MGAT3: variants seen among roughly 807,000 people sequenced by gnomAD.
The protein encoded by MGAT3 is beta-1,4-mannosyl-glycoprotein 4-beta-N-acetylglucosaminyltransferase.
Under a neutral mutation model 29.8 loss-of-function variants are expected in MGAT3, and 9 were observed. The observed-to-expected ratio is 0.30, with a 90% CI of 0.18 to 0.53. The LOEUF (loss-of-function observed/expected upper bound fraction) is 0.53. Among genes scored for constraint, MGAT3 ranks in the 20% least tolerant of loss-of-function variants. MGAT3 has a pLI of 0.96. For missense variants in MGAT3, 557 were observed against 769.5 expected, an observed-to-expected ratio of 0.72 and a Z score of 3.27; for synonymous variants, 397 against 348.9, an observed-to-expected ratio of 1.14 and a Z score of -1.54.
chr22:39,459,737 G>A (rs1022874635), intron 1 of MGAT3, among the ~76,000 whole-genome samples: 11 of 152,244 alleles, frequency 7.2e-5, no homozygotes, highest in African/African-American at 2.4e-4. Flanking sequence ...CAAAGTGCTC[G>A]GATTCCAGGT....
rs549927269 is a variant in MGAT3, at chr22:39,463,713, A to G, written c.-2+6156A>G. ...GATTCATTGAGTCCAGGAGTCCGAG[A>G]CCAGCCTGGGCAACATAGTGGGACC... On this transcript the variant is annotated intron_variant, in intron 1 of 1. Transcript: ENST00000341184. Among the ~76,000 whole-genome samples the G allele has an allele frequency of 7.2e-5, 11 of 152,070 alleles. No homozygotes were observed. The South Asian group carries it at 2.3e-3, about 32-fold the overall frequency.
In MGAT3 at chr22:39,488,247, C is replaced by T. The variant is rs371709468; in HGVS notation, c.900C>T (p.Gly300=). The stretch of plus-strand genomic sequence containing the variant: ...TGCGCACCTTCCTCACCCAGGACGG[C>T]GTCTCGCGGCTGCGCAACCTGCGGC... ...DYLRTFLTQD[G]VSRLRNLRPD... Residue 300 remains glycine (G), a synonymous_variant, in exon 2 of 2, where the codon GGC becomes GGT. Transcript: ENST00000341184. 3.2e-4 allele frequency: 514 copies of T among 1,611,714 alleles called. No individual in the cohort carries two copies. Among genetic ancestry groups the T allele is most frequent in the Non-Finnish European group, 3.9e-4 (464 of 1,179,866 alleles).
intron 1 of MGAT3, among the ~76,000 whole-genome samples, chr22:39,461,696 GC>G (rs936649361): frequency 6.6e-6 from 1 of 151,906 alleles, no homozygotes; most frequent in Non-Finnish European, 1.5e-5. Context: ...TGTGACACCA[GC>G]CCCACAACCC....
intron 1 of MGAT3, among the ~76,000 whole-genome samples, chr22:39,474,994 G>A (rs1462621029): frequency 1.3e-5 from 2 of 152,078 alleles, no homozygotes; most frequent in Non-Finnish European, 2.9e-5. Flanking sequence ...CCAGCCCAGC[G>A]CCCCTGCCTT....
At chr22:39,479,434 C>T (rs866163322) in intron 1 of MGAT3, among the ~76,000 whole-genome samples, 2 of 152,124 alleles carry the variant, frequency 1.3e-5, no homozygotes, top group East Asian at 1.9e-4. Context: ...CCTCAAGCCC[C>T]CCTTTTCTTG....
chr22:39,489,171 G>A lies in MGAT3; in HGVS notation c.*222G>A, dbSNP rs1200001998. 5.9e-6 allele frequency: 4 copies of A among 682,514 alleles called. No homozygotes were observed. Among genetic ancestry groups the A allele is most frequent in the African/African-American group, 1.8e-5 (1 of 55,128 alleles). 42.3% of individuals were successfully genotyped at this position (682,514 alleles called of 1,614,324 possible). ...GTTGGGAGAGGGCGCAGGCCGTGAC[G>A]TCTGGGTGGCCCTTATGACTGCCAA... On this transcript the variant is annotated 3_prime_UTR_variant, in exon 2 of 2. Coordinates refer to ENST00000341184, the MANE Select transcript of MGAT3 (RefSeq NM_002409.5).
chr22:39,487,033 A>T lies in MGAT3; in HGVS notation c.-1-314A>T, dbSNP rs1929293323. On this transcript the variant is annotated intron_variant, in intron 1 of 1. Coordinates refer to ENST00000341184, the MANE Select transcript of MGAT3 (RefSeq NM_002409.5). The surrounding 1 kb of genome is among the most constrained non-coding windows in gnomAD (Gnocchi z 5.7). ...AAGGCGCATGTTACTCCTGGAGCCAAGCCTAGCAGTGCAGCCGCACAGTCA... is the reference window on the plus strand; with the variant it reads ...AAGGCGCATGTTACTCCTGGAGCCATGCCTAGCAGTGCAGCCGCACAGTCA... Among the ~76,000 whole-genome samples, 1 of 152,128 alleles carries T rather than the reference A, an allele frequency of 6.6e-6. No homozygotes were observed. The highest frequency in any genetic ancestry group is 1.5e-5 in the Non-Finnish European group (1 of 68,016).
Position 39,489,030 on chromosome 22 carries a change from C to T in MGAT3, c.*81C>T, listed in dbSNP as rs1331991183. 1.4e-6 allele frequency: 2 copies of T among 1,463,062 alleles called. No individual in the cohort carries two copies. Among genetic ancestry groups the T allele is most frequent in the Middle Eastern group, 2.5e-4 (1 of 3,982 alleles). 90.6% of individuals were successfully genotyped at this position (1,463,062 alleles called of 1,614,324 possible). On this transcript the variant is annotated 3_prime_UTR_variant, in exon 2 of 2. Coordinates refer to ENST00000341184, the MANE Select transcript of MGAT3 (RefSeq NM_002409.5). ...GCTATCTCCCTGCCTCCTGCCGGCT[C>T]CTTGGTTCTTGAGGGGACCAGGAGT...
intron 1 of MGAT3, among the ~76,000 whole-genome samples, chr22:39,484,355 C>G (rs183574917): frequency 4.6e-5 from 7 of 152,016 alleles, no homozygotes; most frequent in African/African-American, 1.7e-4. Flanking sequence ...TGATTAGGAG[C>G]CTTGTTTTTT....
Position 39,488,390 on chromosome 22 carries a change from T to C in MGAT3, c.1043T>C (p.Leu348Pro). 6.2e-7 allele frequency: 1 copy of C among 1,612,912 alleles called. No homozygotes were observed. Among genetic ancestry groups the C allele is most frequent in the Non-Finnish European group, 8.5e-7 (1 of 1,180,030 alleles). The change falls in exon 2 of 2, where the codon CTC (leucine) becomes CCC (proline). Residue 348 changes from leucine (L) to proline (P), a missense_variant. Leu to Pro is a moderately conservative substitution (Grantham distance 98). This residue lies in a region of MGAT3 where 243 missense variants were observed against 444.0 expected (regional missense o/e 0.55). Transcript: ENST00000341184. ...TTCGCCTTCCACATGCGCAAGTCGCTCTACGGCTTCTTCTGGAAGCAGCCG... is the reference window on the plus strand; with the variant it reads ...TTCGCCTTCCACATGCGCAAGTCGCCCTACGGCTTCTTCTGGAAGCAGCCG... ...EPFAFHMRKSLYGFFWKQPGT... is the reference protein window; with the variant it reads ...EPFAFHMRKSPYGFFWKQPGT...
chr22:39,460,109 T>A (rs1340890961), intron 1 of MGAT3, among the ~76,000 whole-genome samples: 1 of 152,162 alleles, frequency 6.6e-6, no homozygotes, highest in East Asian at 1.9e-4. Flanking sequence ...CCCAGCCAAG[T>A]CATTCAGGGT....
rs756836023 is a variant in MGAT3 at position 39,491,404 on chromosome 22, G to C, written c.*2455G>C. 5 of 167,274 alleles carry C rather than the reference G, an allele frequency of 3.0e-5. No homozygotes were observed. The highest frequency in any genetic ancestry group is 1.9e-4 in the East Asian group (1 of 5,318). The allele number at this position is 167,274 out of a possible 1,614,324, so 10.4% of individuals were successfully genotyped here. On this transcript the variant is annotated 3_prime_UTR_variant, in exon 2 of 2. Coordinates refer to ENST00000341184, the MANE Select transcript of MGAT3 (RefSeq NM_002409.5). This position sits in a 1 kb window ranked among gnomAD's most constrained non-coding sequence, Gnocchi z 5.5. ...AGGCCAGGCTGCACCCCATGGACAG[G>C]GAGTCTCAGGGCTCCTGATCATGCC...
intron 1 of MGAT3, among the ~76,000 whole-genome samples, chr22:39,481,522 A>G (rs949676215): frequency 1.3e-5 from 2 of 152,182 alleles, no homozygotes; most frequent in African/African-American, 4.8e-5. Context: ...TGCCTGGCAC[A>G]CGGGGCTCTG....
intron 1 of MGAT3, among the ~76,000 whole-genome samples, chr22:39,461,636 C>T (rs974851965): frequency 6.6e-6 from 1 of 152,180 alleles, no homozygotes; most frequent in African/African-American, 2.4e-5. Context: ...CATTCACTGT[C>T]CCCTGTAACT....
chr22:39,482,015 G>A (rs142314964), intron 1 of MGAT3, among the ~76,000 whole-genome samples: 4 of 152,146 alleles, frequency 2.6e-5, no homozygotes, highest in African/African-American at 4.8e-5. Flanking sequence ...GCAGAATTGC[G>A]ATCTCTCAGC....
intron 1 of MGAT3, among the ~76,000 whole-genome samples, chr22:39,465,757 C>T (rs1928626080): frequency 6.6e-6 from 1 of 151,862 alleles, no homozygotes; most frequent in Non-Finnish European, 1.5e-5. Flanking sequence ...CATGGTGAAG[C>T]CCCGTCTCTA....
At chr22:39,463,226 A>T (rs1928546332) in intron 1 of MGAT3, among the ~76,000 whole-genome samples, 1 of 152,184 alleles carries the variant, frequency 6.6e-6, no homozygotes, top group Non-Finnish European at 1.5e-5. Context: ...GATGTCTCTA[A>T]CTTGCTGAGA....
In MGAT3 at chr22:39,468,344, C is replaced by T. The variant is rs11912566; in HGVS notation, c.-2+10787C>T. Among the ~76,000 whole-genome samples, 1,143 of 152,338 alleles carry T rather than the reference C, an allele frequency of 7.5e-3. 14 individuals carry two copies. Among genetic ancestry groups the T allele is most frequent in the African/African-American group, 0.027 (1,107 of 41,582 alleles). ...TCAAGCCCATTCCCTCACTCAGCAGCGCACCTGCAGCACCAGGGCATGAGG... is the reference window on the plus strand; with the variant it reads ...TCAAGCCCATTCCCTCACTCAGCAGTGCACCTGCAGCACCAGGGCATGAGG... On this transcript the variant is annotated intron_variant, in intron 1 of 1. Transcript: ENST00000341184.
chr22:39,466,988 G>A (rs758480131), intron 1 of MGAT3, among the ~76,000 whole-genome samples: 2 of 152,172 alleles, frequency 1.3e-5, no homozygotes, highest in East Asian at 1.9e-4. Flanking sequence ...CCTATTGTGC[G>A]CCGGTGACTG....
Sources: gnomAD v4.1 joint callset for allele counts (sites outside exome capture counted in the v4.1 genomes callset) on GRCh38, gnomAD v4.1.1 for gene constraint, gnomAD v4.1.1 regional missense constraint, Gnocchi (gnomAD v3.1) non-coding constraint, MANE v1.5 for transcripts, NCBI Gene and HGNC (gene_info 2026-07-23, HGNC 2026-07-21) for gene names.